Variants in RERG observed in about 807,000 individuals in gnomAD.
RERG encodes the protein RAS like estrogen regulated growth inhibitor.
RERG carries 25 observed loss-of-function variants against 23.2 expected under a neutral mutation model. The ratio of observed to expected loss-of-function variants is 1.08; its 90% CI spans 0.79 to 1.50. The LOEUF (loss-of-function observed/expected upper bound fraction) is 1.50, where lower values mean the gene tolerates loss of function less well. Ranked by LOEUF, RERG falls within the 40% of genes most tolerant of loss-of-function variation. The pLI, the probability that RERG is intolerant of heterozygous loss-of-function variation, is 0.00. For synonymous variants in RERG, 81 were observed against 89.1 expected (o/e 0.91, Z 0.51); for missense variants, 253 against 250.1 (o/e 1.01, Z -0.08).
intron 2 of RERG, among the ~76,000 whole-genome samples, chr12:15,133,757 C>G (rs1199585070): frequency 6.8e-6 from 1 of 147,424 alleles, no homozygotes; most frequent in Non-Finnish European, 1.5e-5. Context: ...CACATCCTCA[C>G]CAGCATTTGG....
At chr12:15,138,075 C>T (rs1305968184) in intron 2 of RERG, 1 of 275,760 alleles carries the variant, frequency 3.6e-6, no homozygotes, top group African/African-American at 2.2e-5. Flanking sequence ...CAAAATGCTT[C>T]AGATATTTCA....
intron 1 of RERG, among the ~76,000 whole-genome samples, chr12:15,220,022 CAGG>C (rs1204524592): frequency 6.6e-6 from 1 of 152,148 alleles, no homozygotes; most frequent in East Asian, 1.9e-4. Flanking sequence ...ACAAAACTGA[CAGG>C]AGTTCTTCAA....
intron 2 of RERG, among the ~76,000 whole-genome samples, chr12:15,195,553 G>C (rs1315625803): frequency 3.0e-5 from 1 of 32,846 alleles, no homozygotes; most frequent in African/African-American, 1.2e-4. Flanking sequence ...AAGCTTGGCT[G>C]TGTGTGTGTG....
intron 2 of RERG, among the ~76,000 whole-genome samples, chr12:15,164,337 A>T (rs1053074244): frequency 6.6e-6 from 1 of 152,216 alleles, no homozygotes; most frequent in African/African-American, 2.4e-5. Context: ...ACATCCATAA[A>T]GCTAATGTCC....
intron 2 of RERG, among the ~76,000 whole-genome samples, chr12:15,194,778 T>C (rs1467244352): frequency 6.6e-6 from 1 of 152,146 alleles, no homozygotes; most frequent in East Asian, 1.9e-4. Flanking sequence ...TTGGGCTGAA[T>C]GTGTCTGACC....
chr12:15,197,966 G>A (rs546628520), intron 2 of RERG, among the ~76,000 whole-genome samples: 1 of 152,122 alleles, frequency 6.6e-6, no homozygotes, highest in Non-Finnish European at 1.5e-5. Context: ...TTTGCTTCCT[G>A]TAGGTCTTGC....
At chr12:15,181,538 A>AT (rs1296041378) in intron 2 of RERG, among the ~76,000 whole-genome samples, 1 of 152,200 alleles carries the variant, frequency 6.6e-6, no homozygotes, top group Non-Finnish European at 1.5e-5. Flanking sequence ...ATAACCTTGG[A>AT]TATCATGCTT....
At chr12:15,140,381 T>C (rs1472699467) in intron 2 of RERG, among the ~76,000 whole-genome samples, 1 of 152,214 alleles carries the variant, frequency 6.6e-6, no homozygotes, top group Non-Finnish European at 1.5e-5. Context: ...TCCTTATCCA[T>C]ATGCTATAAT....
At position 15,125,889 on chromosome 12, in the gene RERG, G is replaced by T. The variant is rs1863928325; in HGVS notation, c.62-4770C>A. Among the ~76,000 whole-genome samples the T allele has an allele frequency of 3.3e-5, 5 of 151,524 alleles. No homozygotes were observed. The South Asian group carries it at 1.0e-3, about 32-fold the overall frequency. On this transcript the variant is annotated intron_variant, in intron 2 of 4. Coordinates refer to ENST00000256953, the MANE Select transcript of RERG (RefSeq NM_032918.3). Reference sequence around the variant, plus strand: ...TATCTTTACTCTTCACTTCCTTATAGTGTGGAATATATGGATACGGATATG... The same window carrying T: ...TATCTTTACTCTTCACTTCCTTATATTGTGGAATATATGGATACGGATATG...
intron 2 of RERG, among the ~76,000 whole-genome samples, chr12:15,172,742 C>T (rs1293316651): frequency 6.6e-6 from 1 of 152,004 alleles, no homozygotes; most frequent in Non-Finnish European, 1.5e-5. Context: ...TCAATGTGAA[C>T]ATCTTTTTAT....
In RERG at chr12:15,109,123, T is replaced by G; in HGVS notation, c.587A>C (p.Lys196Thr). Residue 196 changes from lysine (K) to threonine (T), a missense_variant, in exon 5 of 5, where the codon AAA (lysine) becomes ACA (threonine). Physicochemically the swap from Lys to Thr is moderately conservative, Grantham distance 78 (BLOSUM62 -1). Transcript: ENST00000256953. ...VKQAINKMLT[K>T]ISS ...CAGCTGGGCTGCCTAACTACTGATT[T>G]TGGTGAGCATCTTGTTAATGGCTTG... The G allele has an allele frequency of 6.3e-7, 1 of 1,590,150 alleles. No homozygotes were observed. Among genetic ancestry groups the G allele is most frequent in the Non-Finnish European group, 8.6e-7 (1 of 1,168,018 alleles).
chr12:15,125,960 T>G (rs1227315613), intron 2 of RERG, among the ~76,000 whole-genome samples: 3 of 151,358 alleles, frequency 2.0e-5, no homozygotes, highest in Non-Finnish European at 4.4e-5. Flanking sequence ...CTCAAGTTGT[T>G]TACATTTCTT....
chr12:15,122,141 G>T (rs1417317042), intron 2 of RERG, among the ~76,000 whole-genome samples: 1 of 151,962 alleles, frequency 6.6e-6, no homozygotes, highest in Admixed American at 6.5e-5. Flanking sequence ...AATTTAGCAG[G>T]CTCATGAGCC....
chr12:15,207,999 G>C (rs1198555705), intron 2 of RERG, among the ~76,000 whole-genome samples: 1 of 152,098 alleles, frequency 6.6e-6, no homozygotes, highest in Non-Finnish European at 1.5e-5. Flanking sequence ...TAATGTAAGG[G>C]TTTTGTCGAT....
intron 2 of RERG, among the ~76,000 whole-genome samples, chr12:15,183,481 A>T (rs937674489): frequency 6.6e-6 from 1 of 152,144 alleles, no homozygotes; most frequent in Non-Finnish European, 1.5e-5. Context: ...TAAAAAAGGC[A>T]TTTATCTCAA....
intron 2 of RERG, among the ~76,000 whole-genome samples, chr12:15,200,803 TAAAAGG>T (rs370890523): frequency 2.6e-4 from 40 of 152,128 alleles, no homozygotes; most frequent in African/African-American, 9.1e-4. Flanking sequence ...TTTGTGTTTT[TAAAAGG>T]CTTCTGAGTT....
intron 2 of RERG, among the ~76,000 whole-genome samples, chr12:15,170,374 T>C (rs1229351048): frequency 6.6e-6 from 1 of 152,034 alleles, no homozygotes; most frequent in Non-Finnish European, 1.5e-5. Context: ...ACAGAGGGCA[T>C]ATAGGAACTC....
chr12:15,158,167 C>A (rs1419294532), intron 2 of RERG, among the ~76,000 whole-genome samples: 1 of 152,110 alleles, frequency 6.6e-6, no homozygotes. Context: ...CCCAATCATG[C>A]CCTTTCTAGT....
chr12:15,211,343 C>G (rs543596489), intron 2 of RERG, among the ~76,000 whole-genome samples: 1 of 150,004 alleles, frequency 6.7e-6, no homozygotes, highest in African/African-American at 2.5e-5. Context: ...GAATGCTATT[C>G]GGCCTTAAAA....
Sources: allele counts gnomAD v4.1 joint callset (sites outside exome capture counted in the v4.1 genomes callset), GRCh38; gene constraint gnomAD v4.1.1; transcripts MANE v1.5; gene names NCBI Gene and HGNC (gene_info 2026-07-23, HGNC 2026-07-21).